Variants in HEMK2 observed in about 807,000 individuals in gnomAD.
The protein encoded by HEMK2 is methyltransferase HEMK2.
the HEMK2 span, among the ~76,000 whole-genome samples, chr21:28,882,488 T>C: frequency 6.6e-6 from 1 of 152,138 alleles, no homozygotes; most frequent in African/African-American, 2.4e-5. Flanking sequence ...CACAGACATC[T>C]GAAGGAATTT....
At chr21:28,874,277 T>C in the HEMK2 span, 1 of 152,198 alleles carries the variant, frequency 6.6e-6, no homozygotes, top group African/African-American at 2.4e-5. Context: ...CCACGGATGG[T>C]AGTTTTAGCA....
At chr21:28,802,559 C>G in the HEMK2 span, among the ~76,000 whole-genome samples, 1 of 151,886 alleles carries the variant, frequency 6.6e-6, no homozygotes, top group African/African-American at 2.4e-5. Context: ...GAAACCCCGT[C>G]TCTACTAAAA....
chr21:28,811,243 G>A, the HEMK2 span, among the ~76,000 whole-genome samples: 2 of 119,166 alleles, frequency 1.7e-5, no homozygotes, highest in Admixed American at 1.8e-4. Flanking sequence ...GATAAACAGA[G>A]AAAGAGGAAA....
chr21:28,866,539 G>C, the HEMK2 span, among the ~76,000 whole-genome samples: 1 of 151,986 alleles, frequency 6.6e-6, no homozygotes, highest in East Asian at 1.9e-4. Flanking sequence ...CAAAATACAC[G>C]AATTAGCCAG....
At chr21:28,829,043 G>A in the HEMK2 span, among the ~76,000 whole-genome samples, 14 of 152,214 alleles carry the variant, frequency 9.2e-5, no homozygotes, top group Admixed American at 3.9e-4. Context: ...TTCATCTGGG[G>A]ATTTATAAAA....
the HEMK2 span, among the ~76,000 whole-genome samples, chr21:28,707,738 C>T: frequency 3.3e-5 from 5 of 151,134 alleles, no homozygotes; most frequent in Admixed American, 2.6e-4. Context: ...TGAGGGTTAC[C>T]GAGAATAAGT....
the HEMK2 span, among the ~76,000 whole-genome samples, chr21:28,681,348 T>C: frequency 6.6e-6 from 1 of 152,074 alleles, no homozygotes; most frequent in African/African-American, 2.4e-5. Flanking sequence ...TTACAAGGGA[T>C]GTGAAGGACC....
At chr21:28,704,778 A>C in the HEMK2 span, among the ~76,000 whole-genome samples, 1 of 152,212 alleles carries the variant, frequency 6.6e-6, no homozygotes, top group African/African-American at 2.4e-5. Flanking sequence ...ATTTAAAGCC[A>C]ATCATTTAAA....
chr21:28,616,418 G>A, the HEMK2 span, among the ~76,000 whole-genome samples: 4 of 152,230 alleles, frequency 2.6e-5, no homozygotes, highest in Non-Finnish European at 5.9e-5. Flanking sequence ...TAAAATGTAT[G>A]AGCTAAAGAT....
chr21:28,831,625 A>AGG, the HEMK2 span, among the ~76,000 whole-genome samples: 1 of 88,582 alleles, frequency 1.1e-5, no homozygotes, highest in African/African-American at 6.8e-5. Context: ...GAAAGAAGGA[A>AGG]AGAAGGAAGG....
the HEMK2 span, among the ~76,000 whole-genome samples, chr21:28,791,306 T>G: frequency 6.6e-5 from 10 of 152,300 alleles, no homozygotes; most frequent in East Asian, 1.9e-3. Context: ...CATGGAATAG[T>G]GTACAGAAAG....
At chr21:28,762,115 T>C in the HEMK2 span, among the ~76,000 whole-genome samples, 8 of 152,112 alleles carry the variant, frequency 5.3e-5, no homozygotes, top group Non-Finnish European at 8.8e-5. Flanking sequence ...TGCCCTCAGA[T>C]TGCTGACAAC....
chr21:28,605,664 C>G, the HEMK2 span, among the ~76,000 whole-genome samples: 12 of 152,070 alleles, frequency 7.9e-5, no homozygotes, highest in Non-Finnish European at 1.3e-4. Context: ...AACATATATA[C>G]AGATACGTAA....
chr21:28,653,952 G>A, the HEMK2 span, among the ~76,000 whole-genome samples: 1 of 152,090 alleles, frequency 6.6e-6, no homozygotes, highest in Admixed American at 6.6e-5. Context: ...AAGTCAAAAA[G>A]ACTAATGAAA....
chr21:28,811,674 T>C, the HEMK2 span, among the ~76,000 whole-genome samples: 1 of 152,192 alleles, frequency 6.6e-6, no homozygotes, highest in South Asian at 2.1e-4. Flanking sequence ...AGCTTTACAA[T>C]AATTCTGTAT....
the HEMK2 span, among the ~76,000 whole-genome samples, chr21:28,648,200 A>G: frequency 6.6e-6 from 1 of 152,222 alleles, no homozygotes; most frequent in Non-Finnish European, 1.5e-5. Flanking sequence ...GGACATTACT[A>G]AGATGCTCAG....
At chr21:28,594,240 A>T in the HEMK2 span, among the ~76,000 whole-genome samples, 1 of 152,240 alleles carries the variant, frequency 6.6e-6, no homozygotes, top group Non-Finnish European at 1.5e-5. Context: ...AAGACTGAGC[A>T]GACATGAGGA....
chr21:28,578,536 G>C, the HEMK2 span, among the ~76,000 whole-genome samples: 1 of 152,224 alleles, frequency 6.6e-6, no homozygotes, highest in South Asian at 2.1e-4. Flanking sequence ...CTGGGGAACA[G>C]AGTGAACAAT....
chr21:28,798,146 T>C, the HEMK2 span, among the ~76,000 whole-genome samples: 3 of 152,188 alleles, frequency 2.0e-5, no homozygotes, highest in African/African-American at 7.2e-5. Flanking sequence ...ACCGCTACTT[T>C]CAGTGCTTCT....
Sources: gnomAD v4.1 joint callset for allele counts (sites outside exome capture counted in the v4.1 genomes callset) on GRCh38, gnomAD v4.1.1 for gene constraint, MANE v1.5 for transcripts, NCBI Gene and HGNC (gene_info 2026-07-23, HGNC 2026-07-21) for gene names.